DNAJB11: variants seen among roughly 807,000 people sequenced by gnomAD.
DNAJB11 encodes DnaJ heat shock protein family (Hsp40) member B11.
In DNAJB11, 30 loss-of-function variants were observed where a neutral mutation model predicts 47.2. The observed-to-expected ratio is 0.64, with a 90% confidence interval of 0.48 to 0.86. The LOEUF (loss-of-function observed/expected upper bound fraction) is 0.86. DNAJB11 is among the 40% of genes least tolerant of loss of function. DNAJB11 has a pLI of 0.00. For missense variants in DNAJB11, 357 were observed against 440.2 expected, an observed-to-expected ratio of 0.81 and a Z score of 1.69; for synonymous variants, 151 against 159.9, an observed-to-expected ratio of 0.94 and a Z score of 0.42.
intron 3 of DNAJB11, among the ~76,000 whole-genome samples, 156 bp from the exon 4 acceptor site, chr3:186,577,512 A>G (rs1467907789): frequency 6.6e-6 from 1 of 152,210 alleles, no homozygotes; most frequent in African/African-American, 2.4e-5. Flanking sequence ...AAAATTATGT[A>G]TGATAGTTGA....
intron 6 of DNAJB11, 128 bp from the exon 7 acceptor site, chr3:186,582,588 A>G (rs561462169): frequency 1.3e-4 from 96 of 723,972 alleles, no homozygotes; most frequent in Non-Finnish European, 2.0e-4. Context: ...CCAGGCAGAG[A>G]CACTGCCGTC....
chr3:186,572,025 A>T (rs934962950), intron 1 of DNAJB11, 70 bp from the exon 2 acceptor site: 1 of 1,372,240 alleles, frequency 7.3e-7, no homozygotes, highest in African/African-American at 1.5e-5. Context: ...TAGAGGAAAA[A>T]TAAATCTTTT....
At chr3:186,583,198 T>G (rs1715545987) in intron 7 of DNAJB11, among the ~76,000 whole-genome samples, 1 of 152,256 alleles carries the variant, frequency 6.6e-6, no homozygotes, top group South Asian at 2.1e-4. Flanking sequence ...TAGACAGTTT[T>G]GCCTGGGACT....
At position 186,570,780 on chromosome 3, in the gene DNAJB11, G is replaced by C. The variant is rs1715010082; in HGVS notation, c.-118G>C. The C allele has an allele frequency of 2.2e-6, 2 of 899,338 alleles. No individual in the cohort carries two copies. The highest frequency in any genetic ancestry group is 1.7e-6 in the Non-Finnish European group (1 of 577,098). 55.7% of individuals were successfully genotyped at this position (899,338 alleles called of 1,614,324 possible). On this transcript the variant is annotated 5_prime_UTR_variant, in exon 1 of 10. Transcript: ENST00000265028. ...GCTAGCTGTCTCTGCGGACCAAGGA[G>C]ACCCCCGCGCCCCCCCGGTGTGAGG...
chr3:186,570,722 T>C lies in DNAJB11; in HGVS notation c.-176T>C. 1.6e-6 allele frequency: 1 copy of C among 637,816 alleles called. No homozygotes were observed. The highest frequency in any genetic ancestry group is 3.0e-5 in the East Asian group (1 of 33,516). The allele number at this position is 637,816 out of a possible 1,614,324, so 39.5% of individuals were successfully genotyped here. On this transcript the variant is annotated 5_prime_UTR_variant, in exon 1 of 10. Transcript: ENST00000265028. ...GGCTTCTCTCACCGGGACTCGGGAC[T>C]CCCGGGAAGTGGACCGGCAGAAGAG...
intron 6 of DNAJB11, 125 bp from the exon 7 acceptor site, chr3:186,582,591 C>T: frequency 1.4e-6 from 1 of 739,978 alleles, no homozygotes; most frequent in Non-Finnish European, 2.4e-6. Context: ...GGCAGAGACA[C>T]TGCCGTCACA....
intron 4 of DNAJB11, 25 bp from the exon 5 acceptor site, chr3:186,581,346 C>T: frequency 1.2e-6 from 2 of 1,612,110 alleles, no homozygotes; most frequent in Non-Finnish European, 1.7e-6. Context: ...AAGAGAGAAG[C>T]TGATGTTGTT....
In DNAJB11 at chr3:186,585,462, T is replaced by C. The variant is rs1478582040; in HGVS notation, c.*54T>C. 11 of 1,390,340 alleles carry C rather than the reference T, an allele frequency of 7.9e-6. No homozygotes were observed. Among genetic ancestry groups the C allele is most frequent in the Non-Finnish European group, 1.1e-5 (11 of 1,001,430 alleles). The allele number at this position is 1,390,340 out of a possible 1,614,324, so 86.1% of individuals were successfully genotyped here. On this transcript the variant is annotated 3_prime_UTR_variant, in exon 10 of 10. Coordinates refer to ENST00000265028, the MANE Select transcript of DNAJB11 (RefSeq NM_016306.6). Reference sequence around the variant, plus strand: ...ATAAGTGAATAAGCGATATTTATTATCTGCAAGGTTTTTTTGTGTGTGTTT... The same window carrying C: ...ATAAGTGAATAAGCGATATTTATTACCTGCAAGGTTTTTTTGTGTGTGTTT...
chr3:186,576,003 T>C lies in DNAJB11; in HGVS notation c.323+66T>C, dbSNP rs2108477837. 3 of 1,189,106 alleles carry C rather than the reference T, an allele frequency of 2.5e-6. No homozygotes were observed. The East Asian group carries it at 7.1e-5, about 28-fold the overall frequency. 73.7% of individuals were successfully genotyped at this position (1,189,106 alleles called of 1,614,324 possible). A position where few individuals can be genotyped will look rare whatever the true frequency, so the allele number is the denominator to read the frequency against. ...GAGGGTCACTTAGCGATTAAAGAAT[T>C]ATTCTCATTCCCTAGTTCAGAAACT... On this transcript the variant is annotated intron_variant, in intron 3 of 9. Coordinates refer to ENST00000265028, the MANE Select transcript of DNAJB11 (RefSeq NM_016306.6).
chr3:186,572,482 C>T (rs1715116778), intron 2 of DNAJB11, among the ~76,000 whole-genome samples: 2 of 152,222 alleles, frequency 1.3e-5, no homozygotes, highest in Non-Finnish European at 2.9e-5. Flanking sequence ...GCTGGGATTA[C>T]AGGTGCATGC....
At chr3:186,579,082 A>G (rs1715396188) in intron 4 of DNAJB11, 1 of 152,178 alleles carries the variant, frequency 6.6e-6, no homozygotes, top group South Asian at 2.1e-4. Flanking sequence ...AACATAACTG[A>G]AACTCATCTC....
rs755719848 is a variant in DNAJB11, at chr3:186,575,387, GTGTGTC to G, written c.226-447_226-442del. Among the ~76,000 whole-genome samples, 926 of 151,760 alleles carry G rather than the reference GTGTGTC, an allele frequency of 6.1e-3. 7 individuals are homozygous for G. Among genetic ancestry groups the G allele is most frequent in the South Asian group, 0.037 (176 of 4,804 alleles). On this transcript the variant is annotated intron_variant, in intron 2 of 9. Transcript: ENST00000265028. ...CGCGCGCGTGTGTGTGTGTGTGTGT[GTGTGTC>G]TGTGTGTGTGTGTTTTGGGTAGGGG...
chr3:186,572,099 G>T lies in DNAJB11; in HGVS notation c.73G>T (p.Asp25Tyr). 6.4e-7 allele frequency: 1 copy of T among 1,574,420 alleles called. No individual in the cohort carries two copies. The highest frequency in any genetic ancestry group is 8.6e-7 in the Non-Finnish European group (1 of 1,165,816). Residue 25 changes from aspartate (D) to tyrosine (Y), a missense_variant, in exon 2 of 10, where the codon GAT becomes TAT. Physicochemically the swap from Asp to Tyr is radical, Grantham distance 160 (BLOSUM62 -3). Coordinates refer to ENST00000265028, the MANE Select transcript of DNAJB11 (RefSeq NM_016306.6). ...YLIGAVIAGR[D>Y]FYKILGVPRS... is the part of the protein sequence containing the mutation. Reference sequence around the variant, plus strand: ...TTCTCTCCCTCTACTTCCCAGACGAGATTTCTATAAGATCTTGGGGGTGCC... The same window carrying T: ...TTCTCTCCCTCTACTTCCCAGACGATATTTCTATAAGATCTTGGGGGTGCC...
intron 2 of DNAJB11, among the ~76,000 whole-genome samples, chr3:186,574,465 A>G (rs544023775): frequency 1.3e-5 from 2 of 152,038 alleles, no homozygotes; most frequent in South Asian, 4.2e-4. Flanking sequence ...GATCCAGTTA[A>G]TAATAAGGGT....
chr3:186,579,008 G>A (rs1297395984), intron 4 of DNAJB11: 1 of 152,200 alleles, frequency 6.6e-6, no homozygotes, highest in Non-Finnish European at 1.5e-5. Context: ...CTTGAGGCCA[G>A]GAGTTTGAGG....
At chr3:186,583,780 GTGT>G (rs1715567074) in intron 7 of DNAJB11, 82 bp from the exon 8 acceptor site, 1 of 880,756 alleles carries the variant, frequency 1.1e-6, no homozygotes. Flanking sequence ...TGAAAGAGTG[GTGT>G]TCACCTTTTT....
chr3:186,576,464 T>C (rs759336591), intron 3 of DNAJB11, among the ~76,000 whole-genome samples: 27 of 152,202 alleles, frequency 1.8e-4, no homozygotes, highest in Non-Finnish European at 1.9e-4. Context: ...GAACCTCTCT[T>C]TATTGAGCAT....
chr3:186,574,389 A>G (rs1018211854), intron 2 of DNAJB11, among the ~76,000 whole-genome samples: 5 of 152,136 alleles, frequency 3.3e-5, no homozygotes, highest in African/African-American at 4.8e-5. Context: ...TTATAGTCTC[A>G]AATGCAGGGT....
chr3:186,575,351 ACATG>A (rs1715235356), intron 2 of DNAJB11, among the ~76,000 whole-genome samples: 1 of 120,746 alleles, frequency 8.3e-6, no homozygotes, highest in Admixed American at 8.5e-5. Flanking sequence ...ATCTCCTAAT[ACATG>A]CGCGCGCGCG....
Sources: gnomAD v4.1 joint callset for allele counts (sites outside exome capture counted in the v4.1 genomes callset) on GRCh38, gnomAD v4.1.1 for gene constraint, MANE v1.5 for transcripts, NCBI Gene and HGNC (gene_info 2026-07-23, HGNC 2026-07-21) for gene names.